Variants in EIF4B observed in about 807,000 individuals in gnomAD.
EIF4B encodes eukaryotic translation initiation factor 4B.
A neutral mutation model predicts 79.3 loss-of-function variants in EIF4B; 8 were observed. That is an observed-to-expected ratio of 0.10 (90% CI 0.06 to 0.18). The LOEUF is 0.18. EIF4B is among the 10% of genes least tolerant of loss of function. The probability of loss-of-function intolerance (pLI) is 1.00; values close to 1 mark genes in which losing one functional copy is unlikely to be tolerated. For synonymous variants in EIF4B, 238 were observed against 274.7 expected, an observed-to-expected ratio of 0.87 and a Z score of 1.32; for missense variants, 515 against 792.4, an observed-to-expected ratio of 0.65 and a Z score of 4.20.
rs1472999386 is a variant in EIF4B at position 53,040,180 on chromosome 12, T to C, written c.1793T>C (p.Val598Ala). The stretch of plus-strand genomic sequence containing the variant: ...GCAAGCAAGTATGCTGCTCTCTCTG[T>C]TGATGGTGAAGATGAAAATGAGGGA... Reference protein sequence around the residue: ...SSASKYAALSVDGEDENEGED... With the variant: ...SSASKYAALSADGEDENEGED... The change falls in exon 15 of 15, where the codon GTT becomes GCT. Residue 598 changes from valine (V) to alanine (A), a missense_variant. Coordinates refer to ENST00000262056, the MANE Select transcript of EIF4B (RefSeq NM_001417.7). 1 of 1,614,062 alleles carries C rather than the reference T, an allele frequency of 6.2e-7. No individual in the cohort carries two copies. The highest frequency in any genetic ancestry group is 1.3e-5 in the African/African-American group (1 of 74,926).
chr12:53,037,727 T>C (rs1943563513), intron 11 of EIF4B, 105 bp downstream of exon 11: 15 of 1,222,740 alleles, frequency 1.2e-5, no homozygotes, highest in African/African-American at 3.0e-5. Flanking sequence ...TAGCACCTTA[T>C]AAGTTATGCT....
At chr12:53,032,671 T>TG (rs1943466672) in intron 8 of EIF4B, among the ~76,000 whole-genome samples, 1 of 146,256 alleles carries the variant, frequency 6.8e-6, no homozygotes, top group South Asian at 2.1e-4. Context: ...GTTTTTTTGT[T>TG]TTTTTTTTTT....
chr12:53,039,758 T>C (rs577139897), intron 14 of EIF4B, 56 bp downstream of exon 14: 28 of 1,542,576 alleles, frequency 1.8e-5, no homozygotes, highest in Non-Finnish European at 2.5e-5. Flanking sequence ...CTTAGAATTC[T>C]AAGTATTCTT....
rs371831740 is a variant in EIF4B at position 53,006,507 on chromosome 12, A to T, written c.13+11A>T. On this transcript the variant is annotated intron_variant, in intron 1 of 14. Coordinates refer to ENST00000262056, the MANE Select transcript of EIF4B (RefSeq NM_001417.7). ...ACATGGCGGCCTCAGGTGAGCGAGCAGCCGAGCGCGGCCAAGGACTGGGCT... is the reference window on the plus strand; with the variant it reads ...ACATGGCGGCCTCAGGTGAGCGAGCTGCCGAGCGCGGCCAAGGACTGGGCT... The T allele has an allele frequency of 3.0e-5, 49 of 1,613,578 alleles. No individual in the cohort carries two copies. The African/African-American group carries it at 5.7e-4, about 19-fold the overall frequency.
At position 53,019,897 on chromosome 12, in the gene EIF4B, C is replaced by T; in HGVS notation, c.361-13C>T. 6.2e-7 allele frequency: 1 copy of T among 1,605,208 alleles called. No individual in the cohort carries two copies. Among genetic ancestry groups the T allele is most frequent in the Non-Finnish European group, 8.5e-7 (1 of 1,176,952 alleles). On this transcript the variant is annotated splice_polypyrimidine_tract_variant and intron_variant, in intron 3 of 14. Transcript: ENST00000262056. ...ATGCTGGGAAACTTTGTTGTTGATT[C>T]TTATTCCTTCAGATCAGTGCAGTGC...
At chr12:53,037,319 A>G in intron 10 of EIF4B, 90 bp from the exon 11 acceptor site, 1 of 1,427,826 alleles carries the variant, frequency 7.0e-7, no homozygotes, top group Non-Finnish European at 9.5e-7. Context: ...CAAAACTTGG[A>G]TGTGGACCAT....
At chr12:53,020,420 C>T (rs1943228992) in intron 4 of EIF4B, among the ~76,000 whole-genome samples, 1 of 152,154 alleles carries the variant, frequency 6.6e-6, no homozygotes, top group Non-Finnish European at 1.5e-5. Context: ...ATCTCATTTT[C>T]AGGGAAGTGT....
chr12:53,019,433 ATATATTTTTTTTTTTTCTTTTTTTTTT>A (rs1943203838), intron 3 of EIF4B, among the ~76,000 whole-genome samples: 3 of 32,910 alleles, frequency 9.1e-5, no homozygotes, highest in Non-Finnish European at 2.5e-4. Flanking sequence ...TTATATATAT[ATATATTTTTTTTTTTTCTTTTTTTTTT>A]TTTTTTTTTT....
At chr12:53,018,695 G>A (rs774563783) in intron 2 of EIF4B, 103 bp from the exon 3 acceptor site, 77 of 1,368,576 alleles carry the variant, frequency 5.6e-5, no homozygotes, top group Non-Finnish European at 7.0e-5. Context: ...TGGTTTTCTT[G>A]TATAGCATGT....
chr12:53,033,632 T>A (rs922641176), intron 8 of EIF4B, among the ~76,000 whole-genome samples, 174 bp from the exon 9 acceptor site: 1 of 152,156 alleles, frequency 6.6e-6, no homozygotes, highest in African/African-American at 2.4e-5. Flanking sequence ...TGAGCCACCA[T>A]GCCCAGCCTA....
chr12:53,039,507 T>C (rs1215439713), intron 13 of EIF4B, 123 bp from the exon 14 acceptor site: 20 of 1,302,826 alleles, frequency 1.5e-5, no homozygotes, highest in South Asian at 2.7e-5. Flanking sequence ...TAATACATCA[T>C]CCAGACAACA....
Position 53,033,842 on chromosome 12 carries a change from G to A in EIF4B, c.1016G>A (p.Arg339Gln). ...AGACCCAAACTGAATCTAAAGCCTCGGAGTACTCCTAAGGAAGATGATTCC... is the reference window on the plus strand; with the variant it reads ...AGACCCAAACTGAATCTAAAGCCTCAGAGTACTCCTAAGGAAGATGATTCC... The part of the protein sequence containing the change: ...PQRPKLNLKP[R>Q]STPKEDDSSA... The change falls in exon 9 of 15, where the codon CGG (arginine) becomes CAG (glutamine). Residue 339 changes from arginine (R) to glutamine (Q), a missense_variant. By Grantham distance (43) the Arg-to-Gln change is conservative. This residue lies in a region of EIF4B where 187 missense variants were observed against 256.5 expected (regional missense o/e 0.73). Coordinates refer to ENST00000262056, the MANE Select transcript of EIF4B (RefSeq NM_001417.7). The A allele has an allele frequency of 6.2e-7, 1 of 1,611,208 alleles. No individual in the cohort carries two copies. The highest frequency in any genetic ancestry group is 8.5e-7 in the Non-Finnish European group (1 of 1,178,400).
intron 6 of EIF4B, among the ~76,000 whole-genome samples, chr12:53,024,232 C>T (rs1943297753): frequency 6.6e-6 from 1 of 152,028 alleles, no homozygotes; most frequent in Non-Finnish European, 1.5e-5. Flanking sequence ...AAGTAGACCA[C>T]ACTATTTTTA....
intron 1 of EIF4B, among the ~76,000 whole-genome samples, chr12:53,010,665 T>C (rs1204040287): frequency 6.6e-6 from 1 of 152,208 alleles, no homozygotes; most frequent in Non-Finnish European, 1.5e-5. Context: ...TGTTTTTGTT[T>C]TGAGACAGAG....
chr12:53,035,462 G>C (rs562915708), intron 10 of EIF4B, among the ~76,000 whole-genome samples: 21 of 151,282 alleles, frequency 1.4e-4, no homozygotes, highest in African/African-American at 5.1e-4. Context: ...TCTGCCTCCC[G>C]GGTTCATGCC....
In EIF4B at chr12:53,019,011, G is replaced by A. The variant is rs558943934; in HGVS notation, c.360+5G>A. The A allele has an allele frequency of 1.2e-6, 2 of 1,613,264 alleles. No homozygotes were observed. Among genetic ancestry groups the A allele is most frequent in the African/African-American group, 1.3e-5 (1 of 75,014 alleles). ...GAATTCTTTCGAGGATTAAATGTAA[G>A]TGTAAAAGTTGTAATAATTAACTAG... On this transcript the variant is annotated splice_donor_5th_base_variant and intron_variant, in intron 3 of 14. Coordinates refer to ENST00000262056, the MANE Select transcript of EIF4B (RefSeq NM_001417.7).
rs141584827 is a variant in EIF4B, at chr12:53,016,191, A to G, written c.14-282A>G. On this transcript the variant is annotated intron_variant, in intron 1 of 14. Transcript: ENST00000262056. ...ATGATAAGTGAATATAGTAGAAAAT[A>G]AAAGGTTGCCCCCACACTCCAAACA... 4.5e-4 allele frequency among the ~76,000 whole-genome samples: 69 copies of G among 152,320 alleles called. 1 individual carries two copies. In the Middle Eastern group the frequency reaches 0.014, roughly 30 times the overall value.
chr12:53,020,098 T>G, intron 4 of EIF4B, 72 bp downstream of exon 4: 1 of 1,301,128 alleles, frequency 7.7e-7, no homozygotes, highest in South Asian at 1.4e-5. Context: ...CAAACTGGTA[T>G]TTTTTAGGTT....
chr12:53,022,737 A>T, intron 6 of EIF4B, 110 bp downstream of exon 6: 1 of 1,336,628 alleles, frequency 7.5e-7, no homozygotes, highest in Non-Finnish European at 9.7e-7. Context: ...GAAGGAGGAA[A>T]GCAGATTAAG....
Sources: gnomAD v4.1 joint callset for allele counts (sites outside exome capture counted in the v4.1 genomes callset) on GRCh38, gnomAD v4.1.1 for gene constraint, gnomAD v4.1.1 regional missense constraint, MANE v1.5 for transcripts, NCBI Gene and HGNC (gene_info 2026-07-23, HGNC 2026-07-21) for gene names.